Variants in TMEM132B observed in about 807,000 individuals in gnomAD.
The protein encoded by TMEM132B is transmembrane protein 132B.
In TMEM132B, 18 loss-of-function variants were observed where a neutral mutation model predicts 90.8. That is an observed-to-expected ratio of 0.20 (90% CI 0.14 to 0.29). The LOEUF is 0.29. Ranked by LOEUF, TMEM132B falls within the 10% of genes least tolerant of loss-of-function variation. The pLI, the probability that TMEM132B is intolerant of heterozygous loss-of-function variation, is 1.00. For missense variants in TMEM132B, 1,096 were observed against 1,326.8 expected (o/e 0.83, Z 2.70); for synonymous variants, 504 against 523.3 (o/e 0.96, Z 0.50).
chr12:125,194,154 C>T (rs1320415398), intron 1 of TMEM132B, among the ~76,000 whole-genome samples: 1 of 152,160 alleles, frequency 6.6e-6, no homozygotes, highest in Non-Finnish European at 1.5e-5. Context: ...CCTTATGCTT[C>T]GGCCCTAAAA....
intron 1 of TMEM132B, among the ~76,000 whole-genome samples, chr12:125,266,537 A>G (rs986119990): frequency 7.2e-5 from 11 of 152,248 alleles, no homozygotes; most frequent in Non-Finnish European, 1.3e-4. Flanking sequence ...AAGCAAGTCT[A>G]GTTGCTCAGG....
intron 4 of TMEM132B, among the ~76,000 whole-genome samples, chr12:125,556,647 TCAGCAGCTGTATAG>T (rs1884395678): frequency 6.6e-6 from 1 of 152,228 alleles, no homozygotes; most frequent in Non-Finnish European, 1.5e-5. Flanking sequence ...GGAGGTTGTT[TCAGCAGCTGTATAG>T]CATCAGGGCG....
intron 2 of TMEM132B, among the ~76,000 whole-genome samples, chr12:125,397,503 A>G (rs762147961): frequency 3.3e-5 from 5 of 152,214 alleles, no homozygotes; most frequent in Admixed American, 1.3e-4. Context: ...ATGAAACACT[A>G]TTACCCTACT....
chr12:125,335,422 C>T (rs1876926944), intron 1 of TMEM132B, among the ~76,000 whole-genome samples: 1 of 152,170 alleles, frequency 6.6e-6, no homozygotes, highest in African/African-American at 2.4e-5. Context: ...GGGAGGGGCA[C>T]ATGACCCTGG....
chr12:125,519,154 G>A, intron 3 of TMEM132B, among the ~76,000 whole-genome samples: 1 of 152,186 alleles, frequency 6.6e-6, no homozygotes, highest in East Asian at 1.9e-4. Context: ...GGAGAGCTGT[G>A]CGTGGCATGC....
intron 2 of TMEM132B, among the ~76,000 whole-genome samples, chr12:125,414,629 A>G (rs1166240419): frequency 6.6e-6 from 1 of 152,086 alleles, no homozygotes; most frequent in Non-Finnish European, 1.5e-5. Flanking sequence ...TCGCAGCATT[A>G]GTTTACATCC....
At chr12:125,628,555 T>C (rs1886287101) in intron 5 of TMEM132B, among the ~76,000 whole-genome samples, 1 of 152,192 alleles carries the variant, frequency 6.6e-6, no homozygotes, top group Admixed American at 6.5e-5. Context: ...TAATCCCTTG[T>C]CAGATGAATA....
intron 4 of TMEM132B, among the ~76,000 whole-genome samples, chr12:125,520,408 C>A (rs537295852): frequency 6.6e-6 from 1 of 152,238 alleles, no homozygotes; most frequent in Non-Finnish European, 1.5e-5. Context: ...CTAGAAAAAT[C>A]TGTGGGTGCT....
chr12:125,352,652 T>A (rs1414985822), intron 2 of TMEM132B, among the ~76,000 whole-genome samples: 2 of 152,244 alleles, frequency 1.3e-5, no homozygotes, highest in African/African-American at 4.8e-5. Context: ...AGCCTATTGT[T>A]GTTTCCCTGG....
At chr12:125,434,258 C>CAGTGTGG (rs1880632281) in intron 3 of TMEM132B, among the ~76,000 whole-genome samples, 1 of 152,164 alleles carries the variant, frequency 6.6e-6, no homozygotes, top group East Asian at 1.9e-4. Context: ...TAGTAAGGAC[C>CAGTGTGG]AGTGTGGTCA....
chr12:125,280,940 A>C (rs1043895197), intron 1 of TMEM132B, among the ~76,000 whole-genome samples: 4 of 152,240 alleles, frequency 2.6e-5, no homozygotes, highest in Non-Finnish European at 4.4e-5. Flanking sequence ...GGGGGCTGAT[A>C]GTTAAGTCCT....
intron 5 of TMEM132B, among the ~76,000 whole-genome samples, chr12:125,601,939 A>G (rs1018611070): frequency 1.3e-5 from 2 of 152,264 alleles, no homozygotes; most frequent in Non-Finnish European, 2.9e-5. Flanking sequence ...TGAATAGACC[A>G]ATAACAAGTT....
At chr12:125,189,012 T>C (rs553768553) in intron 1 of TMEM132B, among the ~76,000 whole-genome samples, 57 of 152,236 alleles carry the variant, frequency 3.7e-4, no homozygotes, top group Non-Finnish European at 6.9e-4. Flanking sequence ...CCCCTTTGGC[T>C]GAGGCTCTGG....
intron 2 of TMEM132B, among the ~76,000 whole-genome samples, chr12:125,392,809 T>C (rs1256851714): frequency 6.6e-6 from 1 of 152,202 alleles, no homozygotes; most frequent in East Asian, 1.9e-4. Context: ...TGTCGCAGGC[T>C]TGCATGAGGA....
intron 5 of TMEM132B, among the ~76,000 whole-genome samples, chr12:125,591,852 G>A (rs1885325243): frequency 2.0e-5 from 3 of 152,020 alleles, no homozygotes; most frequent in Admixed American, 6.6e-5. Flanking sequence ...TGGATTTAGG[G>A]GCCGTCCTAA....
At chr12:125,537,827 C>T (rs1466421972) in intron 4 of TMEM132B, among the ~76,000 whole-genome samples, 1 of 152,194 alleles carries the variant, frequency 6.6e-6, no homozygotes, top group Admixed American at 6.5e-5. Context: ...TGCTTTGCCA[C>T]TTATTGGCTG....
Position 125,349,043 on chromosome 12 carries a change from A to G in TMEM132B, c.68-409A>G, listed in dbSNP as rs778331746. Among the ~76,000 whole-genome samples, 5 of 152,238 alleles carry G rather than the reference A, an allele frequency of 3.3e-5. No homozygotes were observed. The highest frequency in any genetic ancestry group is 7.3e-5 in the Non-Finnish European group (5 of 68,042). On this transcript the variant is annotated intron_variant, in intron 1 of 8. Transcript: ENST00000682704. The surrounding 1 kb of genome is among the most constrained non-coding windows in gnomAD (Gnocchi z 4.1). Reference sequence around the variant, plus strand: ...AGAGAGCAGCATAAATATCAAAGTAATAAGGCACTAACGTGTCACATACAA... The same window carrying G: ...AGAGAGCAGCATAAATATCAAAGTAGTAAGGCACTAACGTGTCACATACAA...
intron 1 of TMEM132B, among the ~76,000 whole-genome samples, chr12:125,190,404 A>G (rs12816376): frequency 4.9e-4 from 58 of 118,964 alleles, no homozygotes; most frequent in East Asian, 8.8e-4. Flanking sequence ...TGGGGATGGG[A>G]AAGGGGTGGT....
intron 5 of TMEM132B, chr12:125,587,596 A>C (rs535449576): frequency 6.6e-6 from 1 of 152,222 alleles, no homozygotes; most frequent in African/African-American, 2.4e-5. Context: ...CCTCTGCATA[A>C]AACCTGTGCC....
Sources: allele counts gnomAD v4.1 joint callset (sites outside exome capture counted in the v4.1 genomes callset), GRCh38; gene constraint gnomAD v4.1.1; non-coding constraint Gnocchi (gnomAD v3.1); transcripts MANE v1.5; gene names NCBI Gene and HGNC (gene_info 2026-07-23, HGNC 2026-07-21).